Variants in ZNF407 observed in about 807,000 individuals in gnomAD.
The protein encoded by ZNF407 is zinc finger protein 407.
ZNF407 carries 17 observed loss-of-function variants against 131.2 expected under a neutral mutation model. The ratio of observed to expected loss-of-function variants is 0.13; its 90% CI spans 0.09 to 0.19. The LOEUF (loss-of-function observed/expected upper bound fraction) is 0.19. Among genes scored for constraint, ZNF407 ranks in the 10% least tolerant of loss-of-function variants. The pLI, the probability that ZNF407 is intolerant of heterozygous loss-of-function variation, is 1.00. For missense variants in ZNF407, 2,681 were observed against 2,830.6 expected (o/e 0.95, Z 1.20); for synonymous variants, 1,156 against 1,062.0 (o/e 1.09, Z -1.72).
chr18:74,617,816 C>G (rs1432531036), intron 1 of ZNF407, among the ~76,000 whole-genome samples: 1 of 152,208 alleles, frequency 6.6e-6, no homozygotes, highest in Non-Finnish European at 1.5e-5. Flanking sequence ...TGGGGAGATG[C>G]TTTAACACCA....
At chr18:74,768,529 A>G (rs566979384) in intron 3 of ZNF407, among the ~76,000 whole-genome samples, 5 of 152,214 alleles carry the variant, frequency 3.3e-5, no homozygotes, top group Admixed American at 6.5e-5. Flanking sequence ...ATCAATAAGG[A>G]CAATACCAGA....
intron 3 of ZNF407, among the ~76,000 whole-genome samples, chr18:74,665,715 C>A (rs778210234): frequency 6.6e-6 from 1 of 152,124 alleles, no homozygotes; most frequent in Non-Finnish European, 1.5e-5. Context: ...TAAACTGACA[C>A]CTGTGTACCC....
intron 3 of ZNF407, among the ~76,000 whole-genome samples, chr18:74,699,735 C>T (rs1967448078): frequency 6.6e-6 from 1 of 151,942 alleles, no homozygotes; most frequent in East Asian, 1.9e-4. Context: ...GAATCGTTTT[C>T]CTGTTTTGTG....
chr18:74,722,631 G>A (rs2144874760), intron 3 of ZNF407, among the ~76,000 whole-genome samples: 1 of 152,216 alleles, frequency 6.6e-6, no homozygotes. Context: ...GCCTCTCCAA[G>A]TTGAGGAGTT....
intron 3 of ZNF407, among the ~76,000 whole-genome samples, chr18:74,753,989 G>C (rs145935498): frequency 6.6e-6 from 1 of 152,114 alleles, no homozygotes; most frequent in Non-Finnish European, 1.5e-5. Flanking sequence ...ACTTTTTTTG[G>C]TTGTTAGGCT....
chr18:74,936,431 T>C lies in ZNF407; in HGVS notation c.5428+15739T>C, dbSNP rs1012898666. On this transcript the variant is annotated intron_variant, in intron 8 of 8. Coordinates refer to ENST00000299687, the MANE Select transcript of ZNF407 (RefSeq NM_017757.3). The stretch of plus-strand genomic sequence containing the variant: ...TGACATGTTAGTTTATGCAGACGTT[T>C]TATCTGAGTGTTTGTTTAGTGAGAC... Among the ~76,000 whole-genome samples the C allele has an allele frequency of 2.0e-5, 3 of 152,186 alleles. No individual in the cohort carries two copies. The South Asian group carries it at 6.2e-4, about 32-fold the overall frequency.
chr18:74,667,204 G>C (rs987525392), intron 3 of ZNF407, among the ~76,000 whole-genome samples: 1 of 152,140 alleles, frequency 6.6e-6, no homozygotes, highest in Non-Finnish European at 1.5e-5. Flanking sequence ...TCTGCTCCTC[G>C]TCTGTTTCCA....
intron 3 of ZNF407, among the ~76,000 whole-genome samples, chr18:74,759,416 C>G (rs933762340): frequency 6.6e-6 from 1 of 151,968 alleles, no homozygotes; most frequent in Non-Finnish European, 1.5e-5. Flanking sequence ...ATCATGATTT[C>G]TTCAATTTCT....
chr18:74,793,997 G>T (rs963520532), intron 4 of ZNF407, among the ~76,000 whole-genome samples: 2 of 152,196 alleles, frequency 1.3e-5, no homozygotes, highest in African/African-American at 2.4e-5. Flanking sequence ...AAGAAATGTT[G>T]ATTAGCACTG....
intron 3 of ZNF407, among the ~76,000 whole-genome samples, chr18:74,666,136 C>T (rs563979237): frequency 1.3e-5 from 2 of 152,266 alleles, no homozygotes; most frequent in African/African-American, 4.8e-5. Context: ...TGTGCACGCC[C>T]CGCAGAAGCA....
chr18:75,021,740 T>C (rs1005896913), intron 8 of ZNF407, among the ~76,000 whole-genome samples: 2 of 152,098 alleles, frequency 1.3e-5, no homozygotes, highest in Non-Finnish European at 2.9e-5. Context: ...AGTTAAATTT[T>C]TTTAATTATA....
intron 8 of ZNF407, among the ~76,000 whole-genome samples, chr18:75,023,689 T>G (rs1051623249): frequency 1.3e-5 from 2 of 152,174 alleles, no homozygotes; most frequent in African/African-American, 4.8e-5. Flanking sequence ...CTAATTATAG[T>G]TGTGAATCGT....
intron 4 of ZNF407, among the ~76,000 whole-genome samples, chr18:74,823,531 T>C (rs936795929): frequency 3.3e-5 from 5 of 151,400 alleles, no homozygotes; most frequent in Non-Finnish European, 7.4e-5. Context: ...ACCAAGCAAA[T>C]GGAAAGCAAA....
intron 4 of ZNF407, among the ~76,000 whole-genome samples, chr18:74,838,433 T>C (rs999766267): frequency 6.6e-6 from 1 of 152,208 alleles, no homozygotes; most frequent in African/African-American, 2.4e-5. Flanking sequence ...TCTGCCCCAC[T>C]CCTTACAGGA....
intron 7 of ZNF407, among the ~76,000 whole-genome samples, chr18:74,903,489 G>A (rs1971556164): frequency 6.6e-6 from 1 of 152,070 alleles, no homozygotes; most frequent in African/African-American, 2.4e-5. Flanking sequence ...AAAAATGATG[G>A]CTTGGATTTT....
At chr18:74,719,319 C>A (rs1967970268) in intron 3 of ZNF407, among the ~76,000 whole-genome samples, 1 of 152,130 alleles carries the variant, frequency 6.6e-6, no homozygotes, top group Non-Finnish European at 1.5e-5. Flanking sequence ...CACATCTCTC[C>A]CTATTCCTCC....
chr18:74,801,183 T>C lies in ZNF407; in HGVS notation c.4877+19681T>C, dbSNP rs917878006. Reference sequence around the variant, plus strand: ...GTCTTGATCATCAATTATCAACTAATTTTTAAATTGTTTTTCTCTTGAGTA... The same window carrying C: ...GTCTTGATCATCAATTATCAACTAACTTTTAAATTGTTTTTCTCTTGAGTA... On this transcript the variant is annotated intron_variant, in intron 4 of 8. Coordinates refer to ENST00000299687, the MANE Select transcript of ZNF407 (RefSeq NM_017757.3). Among the ~76,000 whole-genome samples the C allele has an allele frequency of 2.0e-5, 3 of 152,178 alleles. No individual in the cohort carries two copies. In the East Asian group the frequency reaches 5.8e-4, roughly 29 times the overall value.
intron 7 of ZNF407, among the ~76,000 whole-genome samples, chr18:74,918,897 T>C (rs1971809496): frequency 1.3e-5 from 2 of 152,180 alleles, no homozygotes; most frequent in South Asian, 4.1e-4. Context: ...TTAATTATAC[T>C]GAGCAGATTT....
At chr18:74,657,939 T>C (rs1985544426) in intron 3 of ZNF407, among the ~76,000 whole-genome samples, 1 of 150,114 alleles carries the variant, frequency 6.7e-6, no homozygotes, top group South Asian at 2.1e-4. Flanking sequence ...TTCTTCTCCC[T>C]CCTTTCTTTT....
Sources: gnomAD v4.1 joint callset for allele counts (sites outside exome capture counted in the v4.1 genomes callset) on GRCh38, gnomAD v4.1.1 for gene constraint, MANE v1.5 for transcripts, NCBI Gene and HGNC (gene_info 2026-07-23, HGNC 2026-07-21) for gene names.